KLHL26: variants seen among roughly 807,000 people sequenced by gnomAD.
The protein encoded by KLHL26 is kelch like family member 26.
In KLHL26, 4 loss-of-function variants were observed where a neutral mutation model predicts 7.1. The ratio of observed to expected loss-of-function variants is 0.56; its 90% confidence interval spans 0.28 to 1.28. The LOEUF (loss-of-function observed/expected upper bound fraction) is 1.28. Ranked by LOEUF, KLHL26 falls within the 50% of genes most tolerant of loss-of-function variation. The pLI, the probability that KLHL26 is intolerant of heterozygous loss-of-function variation, is 0.11. For missense variants in KLHL26, 896 were observed against 924.6 expected, an observed-to-expected ratio of 0.97 and a Z score of 0.40; for synonymous variants, 465 against 414.1, an observed-to-expected ratio of 1.12 and a Z score of -1.49.
Position 18,668,028 on chromosome 19 carries a change from T to G in KLHL26, c.631T>G (p.Phe211Val), listed in dbSNP as rs1444565941. The G allele has an allele frequency of 6.2e-7, 1 of 1,609,112 alleles. No individual in the cohort carries two copies. The highest frequency in any genetic ancestry group is 8.5e-7 in the Non-Finnish European group (1 of 1,179,968). Reference sequence around the variant, plus strand: ...GCGCCTGCCACTGGAGCGCCTGGTCTTCTTCCTGCAGAGCAACCGGCTGCA... The same window carrying G: ...GCGCCTGCCACTGGAGCGCCTGGTCGTCTTCCTGCAGAGCAACCGGCTGCA... ...FLRLPLERLV[F>V]FLQSNRLQSC... The change falls in exon 3 of 3, where the codon TTC becomes GTC. Residue 211 changes from phenylalanine to valine, a missense_variant. Physicochemically the swap from Phe to Val is conservative, Grantham distance 50. Coordinates refer to ENST00000300976, the MANE Select transcript of KLHL26 (RefSeq NM_018316.3).
At chr19:18,639,323 G>A (rs573750439) in intron 1 of KLHL26, among the ~76,000 whole-genome samples, 39 of 150,816 alleles carry the variant, frequency 2.6e-4, no homozygotes, top group African/African-American at 8.5e-4. Flanking sequence ...TGATCCACCC[G>A]CCTCGGCCTC....
intron 1 of KLHL26, 141 bp downstream of exon 1, chr19:18,637,278 C>T (rs1453829854): frequency 1.1e-5 from 10 of 942,982 alleles, no homozygotes; most frequent in Non-Finnish European, 1.2e-5. Flanking sequence ...CTTTACGGGG[C>T]CGTGGGGTAC....
intron 1 of KLHL26, among the ~76,000 whole-genome samples, chr19:18,662,845 T>C (rs1030037169): frequency 6.6e-6 from 1 of 151,306 alleles, no homozygotes; most frequent in African/African-American, 2.4e-5. Flanking sequence ...TCGGGGCCGA[T>C]GTGTGGGGAG....
In KLHL26 at chr19:18,669,701, G is replaced by GT. The variant is rs2052506111; in HGVS notation, c.*461dup. On this transcript the variant is annotated 3_prime_UTR_variant, in exon 3 of 3. Transcript: ENST00000300976. ...CTCCTTCCAAGTCTCCTGCGCGCGT[G>GT]TTTTTAAAATAAACTCACCCGAAAC... 1 of 216,974 alleles carries GT rather than the reference G, an allele frequency of 4.6e-6. No individual in the cohort carries two copies. Among genetic ancestry groups the GT allele is most frequent in the Non-Finnish European group, 9.0e-6 (1 of 110,738 alleles). The allele number at this position is 216,974 out of a possible 1,614,324, so 13.4% of individuals were successfully genotyped here.
At chr19:18,665,317 A>T (rs1452236234) in intron 2 of KLHL26, among the ~76,000 whole-genome samples, 3 of 152,122 alleles carry the variant, frequency 2.0e-5, no homozygotes, top group African/African-American at 7.2e-5. Context: ...CAGCCTCCCA[A>T]AGTGCTGGGA....
intron 1 of KLHL26, among the ~76,000 whole-genome samples, chr19:18,661,793 C>T (rs567658163): frequency 5.3e-5 from 8 of 152,182 alleles, no homozygotes; most frequent in Non-Finnish European, 1.2e-4. Flanking sequence ...GCTTCATAAG[C>T]CCCCCGAGAG....
At position 18,650,466 on chromosome 19, in the gene KLHL26, G is replaced by A. The variant is rs889363; in HGVS notation, c.83+13329G>A. The stretch of plus-strand genomic sequence containing the variant: ...AAAAACTTCCAGGACTGAAGTTCGA[G>A]TTGGAAGCACGCGTTCTCCTTGGTG... On this transcript the variant is annotated intron_variant, in intron 1 of 2. Coordinates refer to ENST00000300976, the MANE Select transcript of KLHL26 (RefSeq NM_018316.3). This position sits in a 1 kb window ranked among gnomAD's most constrained non-coding sequence, Gnocchi z 4.2. Among the ~76,000 whole-genome samples, 56,786 of 151,894 alleles carry A rather than the reference G, an allele frequency of 0.37. 11,151 individuals are homozygous for A. The highest frequency in any genetic ancestry group is 0.51 in the East Asian group (2,632 of 5,146).
intron 2 of KLHL26, among the ~76,000 whole-genome samples, chr19:18,665,510 G>A (rs988669842): frequency 3.9e-5 from 6 of 152,212 alleles, no homozygotes; most frequent in Non-Finnish European, 5.9e-5. Flanking sequence ...GAGGGGCATC[G>A]AGGGCCGCAG....
Position 18,668,287 on chromosome 19 carries a change from T to TG in KLHL26, c.891dup (p.Gln298AlafsTer38), listed in dbSNP as rs765914546. On this transcript the variant is annotated frameshift_variant, in exon 3 of 3. Transcript: ENST00000300976. LOFTEE classifies it low-confidence loss of function (END_TRUNC). ...GTGCTGCCCTTCCGGCAGCACGAGA[T>TG]GCAGTCTCCGCGCACCGCCGTGCGC... The TG allele has an allele frequency of 1.2e-6, 2 of 1,611,826 alleles. No individual in the cohort carries two copies. Among genetic ancestry groups the TG allele is most frequent in the African/African-American group, 2.7e-5 (2 of 74,932 alleles).
At chr19:18,642,459 C>G (rs1414058797) in intron 1 of KLHL26, among the ~76,000 whole-genome samples, 1 of 151,652 alleles carries the variant, frequency 6.6e-6, no homozygotes, top group African/African-American at 2.4e-5. Flanking sequence ...CTCCCGGGCT[C>G]AAGCAACTGA....
chr19:18,659,404 C>A (rs1350535799), intron 1 of KLHL26, among the ~76,000 whole-genome samples: 1 of 152,236 alleles, frequency 6.6e-6, no homozygotes, highest in Admixed American at 6.5e-5. Flanking sequence ...GGGGTGGGAG[C>A]CAACCAGCTG....
At chr19:18,662,609 A>G (rs1394086829) in intron 1 of KLHL26, among the ~76,000 whole-genome samples, 2 of 152,130 alleles carry the variant, frequency 1.3e-5, no homozygotes, top group African/African-American at 4.8e-5. Context: ...CAGCCTGGAC[A>G]CCCGTCGCAG....
At chr19:18,663,307 T>A (rs977069941) in intron 1 of KLHL26, among the ~76,000 whole-genome samples, 1 of 152,154 alleles carries the variant, frequency 6.6e-6, no homozygotes, top group East Asian at 1.9e-4. Context: ...CACTCACCCT[T>A]TCCCAAGGGT....
rs1167242389 is a variant in KLHL26, at chr19:18,664,452, T to C, written c.266+9T>C. ...TGCAGCGACTACTTCAGGTAAGTGC[T>C]GGCCCCAGGCAGCTGGAAGGGGCGG... On this transcript the variant is annotated intron_variant, in intron 2 of 2. Transcript: ENST00000300976. 2 of 1,552,184 alleles carry C rather than the reference T, an allele frequency of 1.3e-6. No homozygotes were observed. Among genetic ancestry groups the C allele is most frequent in the Admixed American group, 1.8e-5 (1 of 54,390 alleles).
At chr19:18,642,571 C>T (rs1182568006) in intron 1 of KLHL26, among the ~76,000 whole-genome samples, 2 of 151,624 alleles carry the variant, frequency 1.3e-5, no homozygotes, top group Admixed American at 6.6e-5. Flanking sequence ...TCCATGTTGG[C>T]CAGGCTGGTC....
In KLHL26 at chr19:18,648,049, T is replaced by C. The variant is rs2145379538; in HGVS notation, c.83+10912T>C. On this transcript the variant is annotated intron_variant, in intron 1 of 2. Coordinates refer to ENST00000300976, the MANE Select transcript of KLHL26 (RefSeq NM_018316.3). This position sits in a 1 kb window ranked among gnomAD's most constrained non-coding sequence, Gnocchi z 4.9. ...CAGGGCAGGGTTTGGGTGAGCGGCA[T>C]ATCAGTCAGCCTCCTGTTTTGAAAG... Among the ~76,000 whole-genome samples the C allele has an allele frequency of 6.6e-6, 1 of 152,260 alleles. No homozygotes were observed. Among genetic ancestry groups the C allele is most frequent in the East Asian group, 1.9e-4 (1 of 5,172 alleles).
intron 1 of KLHL26, among the ~76,000 whole-genome samples, chr19:18,641,394 T>C (rs1210417987): frequency 6.8e-6 from 1 of 147,930 alleles, no homozygotes; most frequent in Non-Finnish European, 1.5e-5. Context: ...TCCTAGCTCA[T>C]TGTAACCTCC....
At chr19:18,637,173 C>T in intron 1 of KLHL26, 36 bp downstream of exon 1, 1 of 1,282,178 alleles carries the variant, frequency 7.8e-7, no homozygotes, top group Non-Finnish European at 9.9e-7. Context: ...CTGCACCTGT[C>T]TTGGAGCCCA....
intron 1 of KLHL26, among the ~76,000 whole-genome samples, chr19:18,660,541 G>A (rs1165597725): frequency 6.6e-6 from 1 of 152,208 alleles, no homozygotes; most frequent in East Asian, 1.9e-4. Context: ...CCCCCTGTCT[G>A]GACCAGCCTG....
Sources: gnomAD v4.1 joint callset for allele counts (sites outside exome capture counted in the v4.1 genomes callset) on GRCh38, gnomAD v4.1.1 for gene constraint, Gnocchi (gnomAD v3.1) non-coding constraint, MANE v1.5 for transcripts, NCBI Gene and HGNC (gene_info 2026-07-23, HGNC 2026-07-21) for gene names.